CNOT6: variants seen among roughly 807,000 people sequenced by gnomAD.
CNOT6 encodes CCR4-NOT transcription complex subunit 6, also known as carbon catabolite repression 4 protein.
In CNOT6, 12 loss-of-function variants were observed where a neutral mutation model predicts 61.2. That is an observed-to-expected ratio of 0.20 (90% confidence interval 0.13 to 0.32). CNOT6 has a LOEUF of 0.32. Ranked by LOEUF, CNOT6 falls within the 10% of genes least tolerant of loss-of-function variation. The probability of loss-of-function intolerance (pLI) is 1.00; values close to 1 mark genes in which losing one functional copy is unlikely to be tolerated. For synonymous variants in CNOT6, 225 were observed against 240.6 expected, an observed-to-expected ratio of 0.94 and a Z score of 0.60; for missense variants, 405 against 663.9, an observed-to-expected ratio of 0.61 and a Z score of 4.28.
chr5:180,502,730 G>A (rs181402393), intron 1 of CNOT6, among the ~76,000 whole-genome samples: 1 of 152,224 alleles, frequency 6.6e-6, no homozygotes, highest in Admixed American at 6.5e-5. Flanking sequence ...TTGATTATAC[G>A]GAGATAGATG....
At chr5:180,516,528 C>G (rs1757645399) in intron 1 of CNOT6, among the ~76,000 whole-genome samples, 1 of 152,146 alleles carries the variant, frequency 6.6e-6, no homozygotes, top group South Asian at 2.1e-4. Context: ...TTAAGATTGC[C>G]TGTAACTCAG....
At chr5:180,516,451 A>G (rs1757642540) in intron 1 of CNOT6, among the ~76,000 whole-genome samples, 1 of 152,130 alleles carries the variant, frequency 6.6e-6, no homozygotes. Flanking sequence ...AAATGCTGGG[A>G]TTACAGACGT....
intron 3 of CNOT6, among the ~76,000 whole-genome samples, chr5:180,552,144 C>T (rs945261772): frequency 1.3e-5 from 2 of 151,474 alleles, no homozygotes; most frequent in African/African-American, 4.8e-5. Context: ...GCTGGGATTA[C>T]AGGCGTGAGC....
At chr5:180,524,958 G>A (rs1286738084) in intron 1 of CNOT6, among the ~76,000 whole-genome samples, 2 of 152,114 alleles carry the variant, frequency 1.3e-5, no homozygotes, top group Middle Eastern at 3.2e-3. Flanking sequence ...ATAGAACAGA[G>A]CATTTTATAT....
chr5:180,495,219 C>T (rs1023733749), intron 1 of CNOT6, among the ~76,000 whole-genome samples: 3 of 152,232 alleles, frequency 2.0e-5, no homozygotes, highest in Non-Finnish European at 2.9e-5. Context: ...AACTGCTTAC[C>T]CCCTCCCCTA....
chr5:180,518,393 G>A (rs1757741520), intron 1 of CNOT6, among the ~76,000 whole-genome samples: 1 of 152,140 alleles, frequency 6.6e-6, no homozygotes, highest in Non-Finnish European at 1.5e-5. Context: ...GAGTTTAGGA[G>A]TGCCATTATT....
At chr5:180,508,342 C>T (rs150573299) in intron 1 of CNOT6, among the ~76,000 whole-genome samples, 3 of 152,274 alleles carry the variant, frequency 2.0e-5, no homozygotes, top group South Asian at 2.1e-4. Context: ...GACGGAGTCT[C>T]GCTCTCTCAC....
At chr5:180,559,900 C>A (rs1760082080) in intron 4 of CNOT6, among the ~76,000 whole-genome samples, 1 of 151,796 alleles carries the variant, frequency 6.6e-6, no homozygotes, top group Admixed American at 6.6e-5. Context: ...CCATTGATAA[C>A]AGTTCAGAAT....
At chr5:180,513,262 T>C (rs1269667866) in intron 1 of CNOT6, among the ~76,000 whole-genome samples, 1 of 152,168 alleles carries the variant, frequency 6.6e-6, no homozygotes, top group Non-Finnish European at 1.5e-5. Context: ...CAATCAAGGC[T>C]CACTGCAGCC....
intron 7 of CNOT6, 105 bp from the exon 8 acceptor site, chr5:180,566,983 G>T: frequency 9.1e-7 from 1 of 1,103,264 alleles, no homozygotes; most frequent in South Asian, 1.7e-5. Flanking sequence ...TTAATCTGCA[G>T]ACCAGTCCTT....
At chr5:180,547,634 C>T (rs529600107) in intron 2 of CNOT6, among the ~76,000 whole-genome samples, 74 of 152,324 alleles carry the variant, frequency 4.9e-4, no homozygotes, top group Middle Eastern at 6.8e-3. Context: ...TTTTTCCCCT[C>T]TGGTGGCTTT....
At chr5:180,564,429 T>A in intron 4 of CNOT6, 60 bp from the exon 5 acceptor site, 1 of 1,134,850 alleles carries the variant, frequency 8.8e-7, no homozygotes, top group Non-Finnish European at 1.3e-6. Context: ...TGATACATTT[T>A]AAAATTTTGA....
chr5:180,567,953 T>C lies in CNOT6; in HGVS notation c.977T>C (p.Ile326Thr). ...AACAGAGTCATGACAAAAGATAACA[T>C]TGGGGTTGCAGTACTGCTAGAACTT... ...MLNRVMTKDNIGVAVLLELRK... is the reference protein window; with the variant it reads ...MLNRVMTKDNTGVAVLLELRK... The change falls in exon 9 of 12, where the codon ATT becomes ACT. Residue 326 changes from isoleucine (I) to threonine (T), a missense_variant. This residue lies in a region of CNOT6 where 24 missense variants were observed against 85.2 expected (regional missense o/e 0.28). Transcript: ENST00000261951. The C allele has an allele frequency of 6.2e-7, 1 of 1,613,860 alleles. No homozygotes were observed. The highest frequency in any genetic ancestry group is 8.5e-7 in the Non-Finnish European group (1 of 1,179,804).
At chr5:180,568,025 T>A in intron 9 of CNOT6, 22 bp downstream of exon 9, 1 of 1,585,690 alleles carries the variant, frequency 6.3e-7, no homozygotes, top group Non-Finnish European at 8.6e-7. Context: ...TCACTTCCTG[T>A]AAAATTGACC....
intron 4 of CNOT6, among the ~76,000 whole-genome samples, chr5:180,554,426 A>G (rs1759775268): frequency 1.3e-5 from 2 of 152,320 alleles, no homozygotes; most frequent in South Asian, 4.1e-4. Flanking sequence ...TTAAAAAAAA[A>G]AAAAAAAGGA....
intron 2 of CNOT6, among the ~76,000 whole-genome samples, chr5:180,533,562 C>T (rs1758511859): frequency 6.6e-6 from 1 of 151,656 alleles, no homozygotes. Flanking sequence ...AGACTCATGC[C>T]ACCATGCCCA....
intron 1 of CNOT6, among the ~76,000 whole-genome samples, chr5:180,505,098 A>C (rs1004763224): frequency 1.3e-5 from 2 of 150,530 alleles, no homozygotes; most frequent in Admixed American, 6.7e-5. Context: ...AGCTGGGACT[A>C]CAGGCCTCTG....
chr5:180,547,225 A>AG (rs1759358070), intron 2 of CNOT6, among the ~76,000 whole-genome samples: 1 of 151,954 alleles, frequency 6.6e-6, no homozygotes, highest in African/African-American at 2.4e-5. Context: ...CTTACAGTAA[A>AG]GTTTTTACTC....
chr5:180,511,541 G>C (rs1470427742), intron 1 of CNOT6, among the ~76,000 whole-genome samples: 4 of 151,472 alleles, frequency 2.6e-5, no homozygotes, highest in African/African-American at 9.7e-5. Flanking sequence ...AACCCGGGAG[G>C]CAGAGGTTGC....
Sources: gnomAD v4.1 joint callset for allele counts (sites outside exome capture counted in the v4.1 genomes callset) on GRCh38, gnomAD v4.1.1 for gene constraint, gnomAD v4.1.1 regional missense constraint, MANE v1.5 for transcripts, NCBI Gene and HGNC (gene_info 2026-07-23, HGNC 2026-07-21) for gene names.